Variants in NAPEPLD observed in about 807,000 individuals in gnomAD.
NAPEPLD encodes N-acyl-phosphatidylethanolamine-hydrolyzing phospholipase D.
Under a neutral mutation model 38.1 loss-of-function variants are expected in NAPEPLD, and 23 were observed. The ratio of observed to expected loss-of-function variants is 0.60; its 90% CI spans 0.43 to 0.86. The LOEUF (loss-of-function observed/expected upper bound fraction) is 0.86, where lower values mean the gene tolerates loss of function less well. Among genes scored for constraint, NAPEPLD ranks in the 40% least tolerant of loss-of-function variants. The probability of loss-of-function intolerance (pLI) is 0.00; values close to 1 mark genes in which losing one functional copy is unlikely to be tolerated. For missense variants in NAPEPLD, 411 were observed against 476.8 expected, an observed-to-expected ratio of 0.86 and a Z score of 1.28; for synonymous variants, 147 against 162.0, an observed-to-expected ratio of 0.91 and a Z score of 0.71.
intron 1 of NAPEPLD, among the ~76,000 whole-genome samples, chr7:103,135,967 G>A (rs567436670): frequency 3.9e-5 from 6 of 152,088 alleles, no homozygotes; most frequent in Non-Finnish European, 8.8e-5. Flanking sequence ...GAGACCATGA[G>A]TTAGTAGTTT....
rs960051775 is a variant in NAPEPLD at position 103,119,732 on chromosome 7, G to T, written c.786C>A (p.Asp262Glu). The T allele has an allele frequency of 1.9e-6, 3 of 1,614,156 alleles. No homozygotes were observed. The highest frequency in any genetic ancestry group is 2.5e-6 in the Non-Finnish European group (3 of 1,180,030). The part of the protein sequence containing the change: ...QHWCKRTLMD[D>E]NKVLWGSWSV... The stretch of plus-strand genomic sequence containing the variant: ...ACCAGCTGCCCCATAGCACCTTGTT[G>T]TCATCCATTAGAGTCCTTTTACACC... Residue 262 changes from aspartate to glutamate, a missense_variant, in exon 3 of 5, where the codon GAC (aspartate) becomes GAA (glutamate). Coordinates refer to ENST00000465647, the MANE Select transcript of NAPEPLD (RefSeq NM_001122838.3).
intron 2 of NAPEPLD, among the ~76,000 whole-genome samples, chr7:103,122,281 A>G (rs771961662): frequency 1.2e-4 from 18 of 152,122 alleles, no homozygotes; most frequent in Non-Finnish European, 2.2e-4. Flanking sequence ...GTACACATGC[A>G]TGCATGTGCA....
At chr7:103,117,756 G>A (rs1805851996) in intron 3 of NAPEPLD, among the ~76,000 whole-genome samples, 1 of 152,178 alleles carries the variant, frequency 6.6e-6, no homozygotes, top group African/African-American at 2.4e-5. Context: ...TGCAATGCAA[G>A]CAGGAAAGGG....
intron 1 of NAPEPLD, among the ~76,000 whole-genome samples, chr7:103,136,473 G>A (rs1810092723): frequency 6.6e-6 from 1 of 151,176 alleles, no homozygotes; most frequent in Non-Finnish European, 1.5e-5. Flanking sequence ...TGTAGTCCCA[G>A]CTACTTGGGA....
At chr7:103,148,262 G>C (rs1276260175) in intron 1 of NAPEPLD, among the ~76,000 whole-genome samples, 1 of 151,890 alleles carries the variant, frequency 6.6e-6, no homozygotes, top group East Asian at 1.9e-4. Flanking sequence ...AGCCAACCAG[G>C]TGAGTCAGTC....
chr7:103,103,186 A>C lies in NAPEPLD; in HGVS notation c.*243T>G, dbSNP rs1334293511. On this transcript the variant is annotated 3_prime_UTR_variant, in exon 5 of 5. Transcript: ENST00000465647. ...TCCATTGCAGTGCTTATATCATGATATGAAATTTAAAATCCACATTAGCCA... is the reference window on the plus strand; with the variant it reads ...TCCATTGCAGTGCTTATATCATGATCTGAAATTTAAAATCCACATTAGCCA... The C allele has an allele frequency of 6.7e-6, 2 of 296,774 alleles. No individual in the cohort carries two copies. Among genetic ancestry groups the C allele is most frequent in the Non-Finnish European group, 1.2e-5 (2 of 162,610 alleles). The allele number at this position is 296,774 out of a possible 1,614,324, so 18.4% of individuals were successfully genotyped here. A position where few individuals can be genotyped will look rare whatever the true frequency, so the allele number is the denominator to read the frequency against.
intron 4 of NAPEPLD, 57 bp downstream of exon 4, chr7:103,115,003 C>A (rs1805278397): frequency 7.6e-7 from 1 of 1,313,984 alleles, no homozygotes; most frequent in Admixed American, 1.7e-5. Context: ...AACAGTGATG[C>A]CTGAATCCTA....
chr7:103,129,286 T>C lies in NAPEPLD; in HGVS notation c.-16-494A>G, dbSNP rs187562467. On this transcript the variant is annotated intron_variant, in intron 1 of 4. Transcript: ENST00000465647. ...AAGAAAGAAGGATGTTTGCTTTACC[T>C]ATTAACATAACTGCCAAGCCCTTAA... The C allele has an allele frequency of 8.7e-5, 85 of 982,004 alleles. 1 individual carries two copies. The East Asian group carries it at 7.5e-3, about 87-fold the overall frequency. 60.8% of individuals were successfully genotyped at this position (982,004 alleles called of 1,614,324 possible).
Position 103,115,075 on chromosome 7 carries a change from A to T in NAPEPLD, c.1041T>A (p.Phe347Leu). The T allele has an allele frequency of 6.2e-7, 1 of 1,613,398 alleles. No homozygotes were observed. The highest frequency in any genetic ancestry group is 8.5e-7 in the Non-Finnish European group (1 of 1,179,736). Residue 347 changes from phenylalanine to leucine, a missense_variant, in exon 4 of 5, where the codon TTT becomes TTA. Phe to Leu is a conservative substitution (Grantham distance 22). Coordinates refer to ENST00000465647, the MANE Select transcript of NAPEPLD (RefSeq NM_001122838.3). ...KKSMAIHWGT[F>L]ALANEHYLEP... is the part of the protein sequence containing the mutation. Reference sequence around the variant, plus strand: ...TCAAACTTACCTCATTTGCTAAGGCAAAAGTTCCCCAGTGAATTGCCATAG... The same window carrying T: ...TCAAACTTACCTCATTTGCTAAGGCTAAAGTTCCCCAGTGAATTGCCATAG...
Position 103,100,923 on chromosome 7 carries a change from A to G in NAPEPLD, c.*2506T>C, listed in dbSNP as rs1802307154. The G allele has an allele frequency of 6.6e-6, 1 of 152,240 alleles. No homozygotes were observed. Among genetic ancestry groups the G allele is most frequent in the Non-Finnish European group, 1.5e-5 (1 of 68,044 alleles). The allele number at this position is 152,240 out of a possible 1,614,324, so 9.4% of individuals were successfully genotyped here. A position where few individuals can be genotyped will look rare whatever the true frequency, so the allele number is the denominator to read the frequency against. ...TGGTAATAAAAAATTACAGCTTACAAAAGGGCCTAGAAAAATGAGGCAGGC... is the reference window on the plus strand; with the variant it reads ...TGGTAATAAAAAATTACAGCTTACAGAAGGGCCTAGAAAAATGAGGCAGGC... On this transcript the variant is annotated 3_prime_UTR_variant, in exon 5 of 5. Coordinates refer to ENST00000465647, the MANE Select transcript of NAPEPLD (RefSeq NM_001122838.3).
Position 103,120,175 on chromosome 7 carries a change from G to C in NAPEPLD, c.343C>G (p.Pro115Ala), listed in dbSNP as rs1400101072. ...PVLKPYFITN[P>A]EEAGVREAGL... Reference sequence around the variant, plus strand: ...GCTTCCCTCACTCCAGCTTCTTCAGGGTTAGTGATAAAATATGGCTTAAGC... The same window carrying C: ...GCTTCCCTCACTCCAGCTTCTTCAGCGTTAGTGATAAAATATGGCTTAAGC... The change falls in exon 3 of 5, where the codon CCT becomes GCT. Residue 115 changes from proline (P) to alanine (A), a missense_variant. Pro to Ala is a conservative substitution (Grantham distance 27, BLOSUM62 -1). Coordinates refer to ENST00000465647, the MANE Select transcript of NAPEPLD (RefSeq NM_001122838.3). 11 of 1,613,864 alleles carry C rather than the reference G, an allele frequency of 6.8e-6. No homozygotes were observed. Among genetic ancestry groups the C allele is most frequent in the Non-Finnish European group, 7.6e-6 (9 of 1,180,000 alleles).
chr7:103,131,201 C>A (rs920604428), intron 1 of NAPEPLD, among the ~76,000 whole-genome samples: 1 of 151,784 alleles, frequency 6.6e-6, no homozygotes, highest in Admixed American at 6.6e-5. Flanking sequence ...ACATATATAT[C>A]ATAATTCTAC....
chr7:103,147,895 T>C (rs984845795), intron 1 of NAPEPLD: 46 of 801,274 alleles, frequency 5.7e-5, no homozygotes, highest in Non-Finnish European at 6.5e-5. Context: ...ATATTTTCAG[T>C]TGACTTGAAA....
intron 4 of NAPEPLD, among the ~76,000 whole-genome samples, chr7:103,107,587 G>C (rs1179984311): frequency 6.6e-6 from 1 of 151,992 alleles, no homozygotes; most frequent in African/African-American, 2.4e-5. Context: ...AACACAGTAA[G>C]AGAACTTCAT....
intron 1 of NAPEPLD, among the ~76,000 whole-genome samples, chr7:103,133,736 C>A (rs1024861324): frequency 1.3e-5 from 2 of 152,208 alleles, no homozygotes; most frequent in African/African-American, 4.8e-5. Context: ...CAAACTATTT[C>A]TTGTTATGTA....
intron 1 of NAPEPLD, 66 bp from the exon 2 acceptor site, chr7:103,128,858 C>G: frequency 6.8e-7 from 1 of 1,470,580 alleles, no homozygotes; most frequent in South Asian, 1.4e-5. Flanking sequence ...ACACAAGGTA[C>G]TATTTGTTAG....
chr7:103,129,858 T>C (rs750854060), intron 1 of NAPEPLD, among the ~76,000 whole-genome samples: 1 of 152,134 alleles, frequency 6.6e-6, no homozygotes, highest in East Asian at 1.9e-4. Flanking sequence ...CTTGGAAACA[T>C]AGTAACACAC....
intron 1 of NAPEPLD, among the ~76,000 whole-genome samples, chr7:103,145,803 C>G (rs1442969198): frequency 2.0e-5 from 3 of 151,926 alleles, no homozygotes; most frequent in Non-Finnish European, 4.4e-5. Context: ...ACACTTGGAA[C>G]CGAAGGGGCA....
chr7:103,133,261 G>A (rs1233808991), intron 1 of NAPEPLD, among the ~76,000 whole-genome samples: 1 of 152,084 alleles, frequency 6.6e-6, no homozygotes, highest in Non-Finnish European at 1.5e-5. Flanking sequence ...ATATCCTTGG[G>A]GTATGGGGAA....
Sources: gnomAD v4.1 joint callset for allele counts (sites outside exome capture counted in the v4.1 genomes callset) on GRCh38, gnomAD v4.1.1 for gene constraint, MANE v1.5 for transcripts, NCBI Gene and HGNC (gene_info 2026-07-23, HGNC 2026-07-21) for gene names.